The following CNKSR3 variants were observed in gnomAD, a reference collection of about 807,000 sequenced individuals.
CNKSR3 encodes connector enhancer of kinase suppressor of ras 3.
CNKSR3 carries 36 observed loss-of-function variants against 67.7 expected under a neutral mutation model. That is an observed-to-expected ratio of 0.53 (90% CI 0.41 to 0.70). The LOEUF (loss-of-function observed/expected upper bound fraction) is 0.70. Among genes scored for constraint, CNKSR3 ranks in the 30% least tolerant of loss-of-function variants. The pLI is 0.00. For missense variants in CNKSR3, 630 were observed against 695.2 expected (o/e 0.91, Z 1.05); for synonymous variants, 281 against 271.4 (o/e 1.04, Z -0.35).
chr6:154,422,176 T>C (rs1372950158), intron 9 of CNKSR3, among the ~76,000 whole-genome samples: 3 of 152,032 alleles, frequency 2.0e-5, no homozygotes, highest in Non-Finnish European at 4.4e-5. Context: ...GTATTTTTAG[T>C]AGAGACGGGG....
At position 154,392,593 on chromosome 6, in the gene CNKSR3, A is replaced by T. The variant is rs1160691480; in HGVS notation, c.*13761T>A. On this transcript the variant is annotated 3_prime_UTR_variant, in exon 13 of 13. Coordinates refer to ENST00000607772, the MANE Select transcript of CNKSR3 (RefSeq NM_173515.4). ...GGTCCCGAAACCTTGTGGGGATTGT[A>T]AGCTCTATGATGAAGGAGGCACCAG... is the stretch of plus-strand genomic sequence containing the variant. 1 of 152,272 alleles carries T rather than the reference A, an allele frequency of 6.6e-6. No homozygotes were observed. The highest frequency in any genetic ancestry group is 2.4e-5 in the African/African-American group (1 of 41,480). 9.4% of individuals were successfully genotyped at this position (152,272 alleles called of 1,614,324 possible).
chr6:154,507,919 C>T (rs565502720), intron 1 of CNKSR3, among the ~76,000 whole-genome samples: 1 of 152,272 alleles, frequency 6.6e-6, no homozygotes, highest in East Asian at 1.9e-4. Flanking sequence ...TGTGATTTTA[C>T]GCTTCTCCTT....
chr6:154,443,150 G>C (rs570896866), intron 2 of CNKSR3, among the ~76,000 whole-genome samples: 1 of 152,000 alleles, frequency 6.6e-6, no homozygotes, highest in Non-Finnish European at 1.5e-5. Context: ...TGCCCCCCTC[G>C]GCCTCTCAAA....
intron 1 of CNKSR3, among the ~76,000 whole-genome samples, chr6:154,484,187 G>A (rs973488257): frequency 3.3e-5 from 5 of 152,138 alleles, no homozygotes; most frequent in Admixed American, 6.5e-5. Flanking sequence ...CTGAATGATC[G>A]AAGGTCATTA....
chr6:154,412,642 TATA>T (rs1451900168), intron 10 of CNKSR3, among the ~76,000 whole-genome samples: 3 of 152,172 alleles, frequency 2.0e-5, no homozygotes, highest in African/African-American at 7.2e-5. Flanking sequence ...CTCTACACGC[TATA>T]ATAAGTTCTG....
intron 5 of CNKSR3, among the ~76,000 whole-genome samples, chr6:154,431,915 A>G (rs1562329592): frequency 6.6e-6 from 1 of 152,140 alleles, no homozygotes; most frequent in African/African-American, 2.4e-5. Context: ...ATCTATTGAG[A>G]GACATTAAGG....
rs1784702388 is a variant in CNKSR3 at position 154,400,311 on chromosome 6, A to T, written c.*6043T>A. ...TTCCTTAGGTGTAGCCTCACGTTTT[A>T]ATCCCTGAGGTATGTTGTAAATGGG... is the stretch of plus-strand genomic sequence containing the variant. On this transcript the variant is annotated 3_prime_UTR_variant, in exon 13 of 13. Transcript: ENST00000607772. The T allele has an allele frequency of 6.6e-6, 1 of 152,200 alleles. No individual in the cohort carries two copies. The highest frequency in any genetic ancestry group is 1.5e-5 in the Non-Finnish European group (1 of 68,046). The allele number at this position is 152,200 out of a possible 1,614,324, so 9.4% of individuals were successfully genotyped here.
chr6:154,452,974 C>T (rs1327500415), intron 1 of CNKSR3, among the ~76,000 whole-genome samples: 3 of 152,094 alleles, frequency 2.0e-5, no homozygotes, highest in South Asian at 2.1e-4. Context: ...TTATGGCAGC[C>T]GAAGCAACAT....
intron 4 of CNKSR3, 24 bp from the exon 5 acceptor site, chr6:154,433,531 G>T (rs761946759): frequency 1.9e-6 from 3 of 1,557,930 alleles, no homozygotes; most frequent in South Asian, 1.1e-5. Flanking sequence ...TGGAGAAAAT[G>T]AATACTAAGT....
rs886927960 is a variant in CNKSR3, at chr6:154,406,212, G to A, written c.*142C>T. ...TCCAATCCTGCAAACTTCCAAGAAG[G>A]GCAGTAGATAACTTTTCAAAAGAAA... On this transcript the variant is annotated 3_prime_UTR_variant, in exon 13 of 13. Transcript: ENST00000607772. The A allele has an allele frequency of 3.9e-5, 29 of 736,598 alleles. No homozygotes were observed. Among genetic ancestry groups the A allele is most frequent in the Middle Eastern group, 4.0e-4 (1 of 2,518 alleles). The allele number at this position is 736,598 out of a possible 1,614,324, so 45.6% of individuals were successfully genotyped here.
At chr6:154,493,033 A>T (rs115955569) in intron 1 of CNKSR3, among the ~76,000 whole-genome samples, 1 of 152,086 alleles carries the variant, frequency 6.6e-6, no homozygotes, top group Non-Finnish European at 1.5e-5. Flanking sequence ...TTTAAATGTA[A>T]ATCTGATAAT....
At chr6:154,449,497 G>A (rs1213419263) in intron 2 of CNKSR3, among the ~76,000 whole-genome samples, 1 of 152,092 alleles carries the variant, frequency 6.6e-6, no homozygotes, top group African/African-American at 2.4e-5. Context: ...CTAACTTTTG[G>A]TATTTCTAAT....
chr6:154,505,325 G>A (rs1787076129), intron 1 of CNKSR3, among the ~76,000 whole-genome samples: 1 of 149,516 alleles, frequency 6.7e-6, no homozygotes, highest in Non-Finnish European at 1.5e-5. Context: ...GAAAGAGCAA[G>A]TCCCGTGGCT....
At position 154,391,972 on chromosome 6, in the gene CNKSR3, A is replaced by C. The variant is rs1784612432; in HGVS notation, c.*14382T>G. On this transcript the variant is annotated 3_prime_UTR_variant, in exon 13 of 13. Coordinates refer to ENST00000607772, the MANE Select transcript of CNKSR3 (RefSeq NM_173515.4). ...CATGCCTGTAATCCCAGCACTTTGG[A>C]AGGCTGAGGCAGGCGGATCATGAGG... is the stretch of plus-strand genomic sequence containing the variant. The C allele has an allele frequency of 6.6e-6, 1 of 152,234 alleles. No individual in the cohort carries two copies. Among genetic ancestry groups the C allele is most frequent in the Middle Eastern group, 3.4e-3 (1 of 294 alleles). 9.4% of individuals were successfully genotyped at this position (152,234 alleles called of 1,614,324 possible).
chr6:154,414,410 G>C lies in CNKSR3; in HGVS notation c.959C>G (p.Pro320Arg). 1.3e-6 allele frequency: 2 copies of C among 1,595,832 alleles called. No individual in the cohort carries two copies. The highest frequency in any genetic ancestry group is 1.7e-6 in the Non-Finnish European group (2 of 1,173,302). The change falls in exon 10 of 13, where the codon CCC becomes CGC. Residue 320 changes from proline (P) to arginine (R), a missense_variant. This residue lies in a region of CNKSR3 where 133 missense variants were observed against 190.6 expected (regional missense o/e 0.70). Coordinates refer to ENST00000607772, the MANE Select transcript of CNKSR3 (RefSeq NM_173515.4). ...GCTTTCAGGGGACTGGGTTGTCGCG[G>C]GTGGAGGTGAGGTCTGAAACAGGAG... The part of the protein sequence containing the change: ...KPPLVQTSPP[P>R]ATTQSPESTM...
chr6:154,441,242 C>CAAAAAAAAAAAAAAAAAAAAAAA, intron 4 of CNKSR3, 50 bp downstream of exon 4: 1 of 843,778 alleles, frequency 1.2e-6, no homozygotes, highest in Non-Finnish European at 1.8e-6. Context: ...AGAGGAAAAG[C>CAAAAAAAAAAAAAAAAAAAAAAA]AAAAAAAAAA....
At chr6:154,411,274 TC>T in intron 10 of CNKSR3, 132 bp from the exon 11 acceptor site, 1 of 668,518 alleles carries the variant, frequency 1.5e-6, no homozygotes, top group Non-Finnish European at 2.5e-6. Context: ...GGAAAAGCAT[TC>T]CTTTTGTCAA....
intron 1 of CNKSR3, among the ~76,000 whole-genome samples, chr6:154,473,725 A>G (rs552053903): frequency 6.6e-6 from 1 of 152,260 alleles, no homozygotes; most frequent in East Asian, 1.9e-4. Context: ...CTGGATTCAA[A>G]CACTGACTAG....
At chr6:154,464,127 G>A (rs1238667059) in intron 1 of CNKSR3, among the ~76,000 whole-genome samples, 1 of 152,132 alleles carries the variant, frequency 6.6e-6, no homozygotes, top group Non-Finnish European at 1.5e-5. Context: ...TATACTTCTT[G>A]GTTTTGTTTC....
Sources: allele counts gnomAD v4.1 joint callset (sites outside exome capture counted in the v4.1 genomes callset), GRCh38; gene constraint gnomAD v4.1.1; regional missense constraint gnomAD v4.1.1; transcripts MANE v1.5; gene names NCBI Gene and HGNC (gene_info 2026-07-23, HGNC 2026-07-21).